The following TEKT2 variants were observed in gnomAD, a reference collection of about 807,000 sequenced individuals.
The protein encoded by TEKT2 is tektin-2.
In TEKT2, 45 loss-of-function variants were observed where a neutral mutation model predicts 49.8. That is an observed-to-expected ratio of 0.90 (90% CI 0.71 to 1.16). The LOEUF (loss-of-function observed/expected upper bound fraction) is 1.16. TEKT2 is among the 50% of genes most tolerant of loss of function. TEKT2 has a pLI of 0.00. For missense variants in TEKT2, 523 were observed against 551.4 expected (o/e 0.95, Z 0.52); for synonymous variants, 202 against 224.6 (o/e 0.90, Z 0.90).
Position 36,085,022 on chromosome 1 carries a change from C to T in TEKT2, c.101C>T (p.Ala34Val), listed in dbSNP as rs1171026642. ...ACCAATGCCCAGCTGCAGCGAGATG[C>T]TTCCCATCAGATCCGCCAGGAGGCC... ...LSTNAQLQRD[A>V]SHQIRQEARV... The change falls in exon 2 of 10, where the codon GCT (alanine) becomes GTT (valine). Residue 34 changes from alanine (A) to valine (V), a missense_variant. Transcript: ENST00000207457. 3 of 1,614,086 alleles carry T rather than the reference C, an allele frequency of 1.9e-6. No individual in the cohort carries two copies. In the South Asian group the frequency reaches 3.3e-5, roughly 18 times the overall value.
chr1:36,084,252 T>G lies in TEKT2; in HGVS notation c.-53+103T>G, dbSNP rs1643330057. ...TCCTGCGGAGGGGAAGAAAGGGGTT[T>G]GACGGGGAACCGGACTGACCCCAGC... On this transcript the variant is annotated intron_variant, in intron 1 of 9. Transcript: ENST00000207457. This position sits in a 1 kb window ranked among gnomAD's most constrained non-coding sequence, Gnocchi z 4.1. 1 of 155,160 alleles carries G rather than the reference T, an allele frequency of 6.4e-6. No homozygotes were observed. Among genetic ancestry groups the G allele is most frequent in the Non-Finnish European group, 1.4e-5 (1 of 70,000 alleles). 9.6% of individuals were successfully genotyped at this position (155,160 alleles called of 1,614,324 possible).
intron 4 of TEKT2, 56 bp from the exon 5 acceptor site, chr1:36,086,648 G>A (rs1643378668): frequency 1.4e-5 from 23 of 1,613,110 alleles, no homozygotes; most frequent in Non-Finnish European, 1.9e-5. Flanking sequence ...TTAGTACAGT[G>A]AGGCCTGCCT....
chr1:36,087,985 C>T lies in TEKT2; in HGVS notation c.1092C>T (p.Asp364=), dbSNP rs775161619. The change falls in exon 10 of 10, where the codon GAC becomes GAT. Residue 364 remains aspartate (D), a synonymous_variant. Coordinates refer to ENST00000207457, the MANE Select transcript of TEKT2 (RefSeq NM_014466.3). The surrounding 1 kb of genome is among the most constrained non-coding windows in gnomAD (Gnocchi z 4.9). Reference sequence around the variant, plus strand: ...TGTCCTTCCCTAGGGACGCACTGGACGCCCTGTGCAAGCACCTGGCCCGGC... The same window carrying T: ...TGTCCTTCCCTAGGGACGCACTGGATGCCCTGTGCAAGCACCTGGCCCGGC... ...QKLAQAQDAL[D]ALCKHLARLQ... 5.0e-6 allele frequency: 8 copies of T among 1,610,194 alleles called. No homozygotes were observed. Among genetic ancestry groups the T allele is most frequent in the East Asian group, 4.5e-5 (2 of 44,838 alleles).
rs377734989 is a variant in TEKT2, at chr1:36,087,607, C to T, written c.999+25C>T. The T allele has an allele frequency of 2.7e-5, 43 of 1,613,388 alleles. No homozygotes were observed. The highest frequency in any genetic ancestry group is 4.4e-5 in the South Asian group (4 of 91,066). On this transcript the variant is annotated intron_variant, in intron 8 of 9. Coordinates refer to ENST00000207457, the MANE Select transcript of TEKT2 (RefSeq NM_014466.3). This position sits in a 1 kb window ranked among gnomAD's most constrained non-coding sequence, Gnocchi z 4.9. ...GGTGAGAGGGTGTCCCAGTGGCGCA[C>T]GGGCCCCCTAGCCAAGGTTTTCTCA...
Position 36,087,577 on chromosome 1 carries a change from G to GAT in TEKT2, c.995_996insTA (p.Gln333ThrfsTer14). ...CCGGCCCAACGTGGAACTCTGCCGG[G>GAT]ACCAGGTGAGAGGGTGTCCCAGTGG... On this transcript the variant is annotated frameshift_variant, in exon 8 of 10. Transcript: ENST00000207457. LOFTEE classifies it high-confidence loss of function. The surrounding 1 kb of genome is among the most constrained non-coding windows in gnomAD (Gnocchi z 4.9). 19 of 1,613,740 alleles carry GAT rather than the reference G, an allele frequency of 1.2e-5. No individual in the cohort carries two copies. Among genetic ancestry groups the GAT allele is most frequent in the Non-Finnish European group, 1.6e-5 (19 of 1,180,014 alleles).
intron 3 of TEKT2, chr1:36,085,566 G>A (rs1342670290): frequency 6.0e-6 from 3 of 502,270 alleles, no homozygotes; most frequent in East Asian, 7.7e-5. Context: ...CCAGGCTGGA[G>A]TGCAGTGGTG....
rs1344377879 is a variant in TEKT2, at chr1:36,087,098, T to C, written c.747+53T>C. 2.5e-6 allele frequency: 4 copies of C among 1,607,470 alleles called. No homozygotes were observed. The highest frequency in any genetic ancestry group is 3.4e-6 in the Non-Finnish European group (4 of 1,175,548). On this transcript the variant is annotated intron_variant, in intron 6 of 9. Coordinates refer to ENST00000207457, the MANE Select transcript of TEKT2 (RefSeq NM_014466.3). The surrounding 1 kb of genome is among the most constrained non-coding windows in gnomAD (Gnocchi z 4.9). The stretch of plus-strand genomic sequence containing the variant: ...GGTCCCAGTGTGCGCTCAGCCCTTA[T>C]CTTCTGTTCCCTGCTGTGCATGTGG...
rs368364649 is a variant in TEKT2, at chr1:36,084,804, C to T, written c.-52-66C>T. 5 of 1,477,128 alleles carry T rather than the reference C, an allele frequency of 3.4e-6. No homozygotes were observed. The highest frequency in any genetic ancestry group is 2.8e-5 in the African/African-American group (2 of 72,338). The allele number at this position is 1,477,128 out of a possible 1,614,324, so 91.5% of individuals were successfully genotyped here. A position where few individuals can be genotyped will look rare whatever the true frequency, so the allele number is the denominator to read the frequency against. ...GCAAAATGGACAGGAACAAGTCCTG[C>T]GCAGGGGGCGTGTGATCCAGGAGGT... is the stretch of plus-strand genomic sequence containing the variant. On this transcript the variant is annotated intron_variant, in intron 1 of 9. Transcript: ENST00000207457. This position sits in a 1 kb window ranked among gnomAD's most constrained non-coding sequence, Gnocchi z 4.1.
rs750819080 is a variant in TEKT2 at position 36,087,275 on chromosome 1, G to GA, written c.822dup (p.Val275SerfsTer4). 3.1e-6 allele frequency: 5 copies of GA among 1,614,138 alleles called. No homozygotes were observed. In the South Asian group the frequency reaches 5.5e-5, roughly 18 times the overall value. ...TCAGGAAGCGGCTGCGGGAGATGGA[G>GA]AAAGTGTACAGTGAGCTCAAGTGGC... On this transcript the variant is annotated frameshift_variant, in exon 7 of 10. Coordinates refer to ENST00000207457, the MANE Select transcript of TEKT2 (RefSeq NM_014466.3). LOFTEE classifies it high-confidence loss of function. This position sits in a 1 kb window ranked among gnomAD's most constrained non-coding sequence, Gnocchi z 4.9.
At position 36,088,258 on chromosome 1, in the gene TEKT2, T is replaced by A; in HGVS notation, c.*72T>A. 1 of 1,366,956 alleles carries A rather than the reference T, an allele frequency of 7.3e-7. No homozygotes were observed. Among genetic ancestry groups the A allele is most frequent in the Non-Finnish European group, 1.0e-6 (1 of 979,752 alleles). The allele number at this position is 1,366,956 out of a possible 1,614,324, so 84.7% of individuals were successfully genotyped here. ...GGAGGGAGGAGAGAAATGAATGGAA[T>A]AAATGCAGAGGATCTCAGGCCGGCT... On this transcript the variant is annotated 3_prime_UTR_variant, in exon 10 of 10. Transcript: ENST00000207457.
In TEKT2 at chr1:36,087,335, C is replaced by T. The variant is rs540940574; in HGVS notation, c.855+24C>T. Reference sequence around the variant, plus strand: ...ATGTGAGCATCTCCAGGGGCCTGGACTTCCTGCTGTGGGATGAGAAGCCGC... The same window carrying T: ...ATGTGAGCATCTCCAGGGGCCTGGATTTCCTGCTGTGGGATGAGAAGCCGC... On this transcript the variant is annotated intron_variant, in intron 7 of 9. Coordinates refer to ENST00000207457, the MANE Select transcript of TEKT2 (RefSeq NM_014466.3). The surrounding 1 kb of genome is among the most constrained non-coding windows in gnomAD (Gnocchi z 4.9). 2.5e-6 allele frequency: 4 copies of T among 1,613,902 alleles called. No individual in the cohort carries two copies. The South Asian group carries it at 4.4e-5, about 18-fold the overall frequency.
At position 36,087,348 on chromosome 1, in the gene TEKT2, G is replaced by T. The variant is rs189388474; in HGVS notation, c.855+37G>T. 1,848 of 1,613,836 alleles carry T rather than the reference G, an allele frequency of 1.1e-3. 7 individuals are homozygous for T. In the African/African-American group the frequency reaches 0.014, roughly 12 times the overall value. On this transcript the variant is annotated intron_variant, in intron 7 of 9. Transcript: ENST00000207457. This position sits in a 1 kb window ranked among gnomAD's most constrained non-coding sequence, Gnocchi z 4.9. ...CAGGGGCCTGGACTTCCTGCTGTGG[G>T]ATGAGAAGCCGCATGCCCCCGCCAG...
rs1188129398 is a variant in TEKT2 at position 36,087,696 on chromosome 1, T to A, written c.1000-32T>A. 2 of 1,612,998 alleles carry A rather than the reference T, an allele frequency of 1.2e-6. No individual in the cohort carries two copies. The highest frequency in any genetic ancestry group is 2.7e-5 in the African/African-American group (2 of 75,058). On this transcript the variant is annotated intron_variant, in intron 8 of 9. Coordinates refer to ENST00000207457, the MANE Select transcript of TEKT2 (RefSeq NM_014466.3). This position sits in a 1 kb window ranked among gnomAD's most constrained non-coding sequence, Gnocchi z 4.9. The stretch of plus-strand genomic sequence containing the variant: ...GCACTCAGGTAAAGGACAGTGTGGC[T>A]GACTTGGAACTCCCAACCCCTCTGC...
chr1:36,086,239 G>C (rs1425852701), intron 4 of TEKT2, among the ~76,000 whole-genome samples, 198 bp downstream of exon 4: 1 of 152,072 alleles, frequency 6.6e-6, no homozygotes, highest in Non-Finnish European at 1.5e-5. Flanking sequence ...TACTTCTCAC[G>C]ACCCTGCCCT....
Position 36,085,015 on chromosome 1 carries a change from C to T in TEKT2, c.94C>T (p.Arg32Ter), listed in dbSNP as rs756817003. ...GCTATCCACCAATGCCCAGCTGCAG[C>T]GAGATGCTTCCCATCAGATCCGCCA... ...YLLSTNAQLQ[R>*]DASHQIRQEA... Residue 32 changes from arginine (R) to a stop codon, truncating the protein, a stop_gained, in exon 2 of 10, where the codon CGA becomes TGA. Coordinates refer to ENST00000207457, the MANE Select transcript of TEKT2 (RefSeq NM_014466.3). LOFTEE classifies it high-confidence loss of function. The T allele has an allele frequency of 8.1e-6, 13 of 1,613,968 alleles. No homozygotes were observed. In the South Asian group the frequency reaches 9.9e-5, roughly 12 times the overall value.
rs1450943584 is a variant in TEKT2, at chr1:36,088,015, GGCTGACATTGC to G, written c.1123_1133del (p.Ala375LeufsTer24). The G allele has an allele frequency of 6.2e-7, 1 of 1,612,268 alleles. No individual in the cohort carries two copies. The highest frequency in any genetic ancestry group is 8.5e-7 in the Non-Finnish European group (1 of 1,179,710). On this transcript the variant is annotated frameshift_variant, in exon 10 of 10. Coordinates refer to ENST00000207457, the MANE Select transcript of TEKT2 (RefSeq NM_014466.3). LOFTEE classifies it high-confidence loss of function. ...TGTGCAAGCACCTGGCCCGGCTGCA[GGCTGACATTGC>G]CTGCAAGGCCAACTCCATGCTGCTG...
chr1:36,087,876 T>C lies in TEKT2; in HGVS notation c.1079+69T>C, dbSNP rs1643410782. 1 of 1,597,802 alleles carries C rather than the reference T, an allele frequency of 6.3e-7. No homozygotes were observed. The highest frequency in any genetic ancestry group is 1.7e-5 in the Admixed American group (1 of 57,212). ...ACAAATGGGGCCTCTTGCTGGCTGC[T>C]GGCTCCCTGGGGCTGTCTTCCTGAC... On this transcript the variant is annotated intron_variant, in intron 9 of 9. Coordinates refer to ENST00000207457, the MANE Select transcript of TEKT2 (RefSeq NM_014466.3). The surrounding 1 kb of genome is among the most constrained non-coding windows in gnomAD (Gnocchi z 4.9).
chr1:36,086,818 G>A lies in TEKT2; in HGVS notation c.603G>A (p.Leu201=), dbSNP rs1319685763. The A allele has an allele frequency of 6.2e-7, 1 of 1,614,046 alleles. No individual in the cohort carries two copies. Among genetic ancestry groups the A allele is most frequent in the African/African-American group, 1.3e-5 (1 of 74,904 alleles). The change falls in exon 5 of 10, where the codon CTG becomes CTA. Residue 201 remains leucine, a synonymous_variant. Coordinates refer to ENST00000207457, the MANE Select transcript of TEKT2 (RefSeq NM_014466.3). Reference sequence around the variant, plus strand: ...ACCTCAGATCCCCAAACATCTCGCTGAAGGTTGACCCCACACGTGTACCTG... The same window carrying A: ...ACCTCAGATCCCCAAACATCTCGCTAAAGGTTGACCCCACACGTGTACCTG... ...SLNLRSPNIS[L]KVDPTRVPDG...
rs756811649 is a variant in TEKT2, at chr1:36,087,964, C to T, written c.1080-9C>T. 1 of 1,606,928 alleles carries T rather than the reference C, an allele frequency of 6.2e-7. No individual in the cohort carries two copies. Among genetic ancestry groups the T allele is most frequent in the South Asian group, 1.1e-5 (1 of 90,182 alleles). ...TGGGGGCTGGGGGGTTGTCAATGTC[C>T]TTCCCTAGGGACGCACTGGACGCCC... is the stretch of plus-strand genomic sequence containing the variant. On this transcript the variant is annotated splice_polypyrimidine_tract_variant and intron_variant, in intron 9 of 9. Coordinates refer to ENST00000207457, the MANE Select transcript of TEKT2 (RefSeq NM_014466.3). This position sits in a 1 kb window ranked among gnomAD's most constrained non-coding sequence, Gnocchi z 4.9.
Sources: gnomAD v4.1 joint callset for allele counts (sites outside exome capture counted in the v4.1 genomes callset) on GRCh38, gnomAD v4.1.1 for gene constraint, Gnocchi (gnomAD v3.1) non-coding constraint, MANE v1.5 for transcripts, NCBI Gene and HGNC (gene_info 2026-07-23, HGNC 2026-07-21) for gene names.